The following TMEM192 variants were observed in gnomAD, a reference collection of about 807,000 sequenced individuals.
TMEM192 encodes the protein transmembrane protein 192.
TMEM192 carries 20 observed loss-of-function variants against 26.7 expected under a neutral mutation model. The ratio of observed to expected loss-of-function variants is 0.75; its 90% confidence interval spans 0.53 to 1.09. The LOEUF (loss-of-function observed/expected upper bound fraction) is 1.09, where lower values mean the gene tolerates loss of function less well. Among genes scored for constraint, TMEM192 ranks in the 50% least tolerant of loss-of-function variants. The pLI, the probability that TMEM192 is intolerant of heterozygous loss-of-function variation, is 0.00. For synonymous variants in TMEM192, 124 were observed against 121.0 expected, an observed-to-expected ratio of 1.02 and a Z score of -0.16; for missense variants, 304 against 322.6, an observed-to-expected ratio of 0.94 and a Z score of 0.44.
At chr4:165,081,170 A>C (rs1235150325) in intron 5 of TMEM192, among the ~76,000 whole-genome samples, 1 of 152,134 alleles carries the variant, frequency 6.6e-6, no homozygotes, top group African/African-American at 2.4e-5. Flanking sequence ...TCTGGTCTTC[A>C]GAGGTTAACA....
chr4:165,078,311 CAA>C lies in TMEM192; in HGVS notation c.*1345_*1346del, dbSNP rs1390003258. ...CCTCCCCTCATATTCAGCCTTCAAC[CAA>C]AAGTCTTTCTAAGGCAGCATATAAC... On this transcript the variant is annotated 3_prime_UTR_variant, in exon 6 of 6. Coordinates refer to ENST00000306480, the MANE Select transcript of TMEM192 (RefSeq NM_001100389.2). 1 of 152,016 alleles carries C rather than the reference CAA, an allele frequency of 6.6e-6. No homozygotes were observed. The highest frequency in any genetic ancestry group is 2.4e-5 in the African/African-American group (1 of 41,372). The allele number at this position is 152,016 out of a possible 1,614,324, so 9.4% of individuals were successfully genotyped here. A position where few individuals can be genotyped will look rare whatever the true frequency, so the allele number is the denominator to read the frequency against.
rs372244546 is a variant in TMEM192 at position 165,085,591 on chromosome 4, T to C, written c.672A>G (p.Gly224=). The C allele has an allele frequency of 1.7e-3, 2,752 of 1,605,264 alleles. 4 individuals carry two copies. The highest frequency in any genetic ancestry group is 2.2e-3 in the Non-Finnish European group (2,545 of 1,175,632). The change falls in exon 5 of 6, where the codon GGA becomes GGG. Residue 224 remains glycine (G), a synonymous_variant. Transcript: ENST00000306480. The stretch of plus-strand genomic sequence containing the variant: ...TATTCTCACCTAAATCTTACCTGAA[T>C]CCAGTCTCCGAGGTAATATTGCTGG... ...AYPSNITSET[G]FRTISSLEEI...
At position 165,073,848 on chromosome 4, in the gene TMEM192, A is replaced by G. The variant is rs780472908; in HGVS notation, c.*5810T>C. 21 of 152,270 alleles carry G rather than the reference A, an allele frequency of 1.4e-4. No individual in the cohort carries two copies. Among genetic ancestry groups the G allele is most frequent in the Non-Finnish European group, 2.4e-4 (16 of 68,038 alleles). The allele number at this position is 152,270 out of a possible 1,614,324, so 9.4% of individuals were successfully genotyped here. A position where few individuals can be genotyped will look rare whatever the true frequency, so the allele number is the denominator to read the frequency against. Reference sequence around the variant, plus strand: ...GTACCTTTCCTTGAACTTATTCATGATACAGATTCCTTTGCTCACGTTTCC... The same window carrying G: ...GTACCTTTCCTTGAACTTATTCATGGTACAGATTCCTTTGCTCACGTTTCC... On this transcript the variant is annotated 3_prime_UTR_variant, in exon 6 of 6. Transcript: ENST00000306480.
At chr4:165,112,602 G>A in intron 1 of TMEM192, 145 bp downstream of exon 1, 1 of 1,223,848 alleles carries the variant, frequency 8.2e-7, no homozygotes, top group Non-Finnish European at 1.1e-6. Flanking sequence ...CCGCGCCCAG[G>A]CCTCCCCGGG....
In TMEM192 at chr4:165,100,664, G is replaced by T. The variant is rs748410568; in HGVS notation, c.403C>A (p.His135Asn). The T allele has an allele frequency of 6.2e-7, 1 of 1,614,002 alleles. No homozygotes were observed. Among genetic ancestry groups the T allele is most frequent in the African/African-American group, 1.3e-5 (1 of 74,912 alleles). The change falls in exon 3 of 6, where the codon CAT becomes AAT. Residue 135 changes from histidine (H) to asparagine (N), a missense_variant. Physicochemically the swap from His to Asn is moderately conservative, Grantham distance 68 (BLOSUM62 1). Transcript: ENST00000306480. ...ATCATCAACGCAAGTCTCTTGAGAT[G>T]CCTTGTTGATCGGTAGATCAAGTTA... ...GYNLIYRSTR[H>N]LKRLALMIQS...
At chr4:165,088,335 T>C in intron 4 of TMEM192, 133 bp downstream of exon 4, 1 of 728,598 alleles carries the variant, frequency 1.4e-6, no homozygotes, top group Non-Finnish European at 2.1e-6. Context: ...TGGTTTGAAA[T>C]TAAAGAAGTC....
At chr4:165,080,707 C>A (rs1734500337) in intron 5 of TMEM192, among the ~76,000 whole-genome samples, 1 of 151,896 alleles carries the variant, frequency 6.6e-6, no homozygotes, top group Non-Finnish European at 1.5e-5. Flanking sequence ...GGCTATGTAA[C>A]CACATTACTA....
chr4:165,094,479 G>T (rs1412971025), intron 3 of TMEM192, among the ~76,000 whole-genome samples: 1 of 152,146 alleles, frequency 6.6e-6, no homozygotes, highest in Non-Finnish European at 1.5e-5. Flanking sequence ...CCAACAGGGA[G>T]AAACCCCATC....
chr4:165,098,234 C>T (rs1578909124), intron 3 of TMEM192, among the ~76,000 whole-genome samples: 1 of 151,868 alleles, frequency 6.6e-6, no homozygotes, highest in Admixed American at 6.6e-5. Context: ...AAGCAATTCT[C>T]CTGCCTCAGC....
At chr4:165,085,319 A>G (rs1245064948) in intron 5 of TMEM192, among the ~76,000 whole-genome samples, 2 of 151,592 alleles carry the variant, frequency 1.3e-5, no homozygotes, top group Non-Finnish European at 2.9e-5. Flanking sequence ...AGGTGCTTCA[A>G]GGAGGGAGTA....
At position 165,085,570 on chromosome 4, in the gene TMEM192, C is replaced by T; in HGVS notation, c.677+16G>A. ...GGGGAAAAAACTCAATTATTTTATT[C>T]TCACCTAAATCTTACCTGAATCCAG... On this transcript the variant is annotated intron_variant, in intron 5 of 5. Transcript: ENST00000306480. 6.5e-7 allele frequency: 1 copy of T among 1,549,726 alleles called. No homozygotes were observed. Among genetic ancestry groups the T allele is most frequent in the South Asian group, 1.2e-5 (1 of 84,020 alleles).
At chr4:165,088,390 T>C in intron 4 of TMEM192, 78 bp downstream of exon 4, 1 of 1,439,866 alleles carries the variant, frequency 6.9e-7, no homozygotes, top group Non-Finnish European at 9.4e-7. Flanking sequence ...TCCTTGTCGC[T>C]AATGGGCTAT....
At chr4:165,104,562 G>A (rs551968116) in intron 1 of TMEM192, among the ~76,000 whole-genome samples, 4 of 152,192 alleles carry the variant, frequency 2.6e-5, no homozygotes, top group South Asian at 4.2e-4. Context: ...ATGGAATCTC[G>A]CTCTGTCGCC....
intron 5 of TMEM192, among the ~76,000 whole-genome samples, chr4:165,084,478 C>T (rs897490887): frequency 7.9e-5 from 12 of 151,660 alleles, no homozygotes; most frequent in South Asian, 2.1e-4. Flanking sequence ...GGATTACAGG[C>T]GTGAGCTGCC....
At chr4:165,097,589 G>GA (rs1330463603) in intron 3 of TMEM192, among the ~76,000 whole-genome samples, 22 of 120,036 alleles carry the variant, frequency 1.8e-4, no homozygotes, top group African/African-American at 7.6e-4. Context: ...TTTTTTTGGA[G>GA]AAAAAAATCT....
At chr4:165,086,981 GT>G (rs1734632807) in intron 4 of TMEM192, among the ~76,000 whole-genome samples, 2 of 152,048 alleles carry the variant, frequency 1.3e-5, no homozygotes, top group African/African-American at 4.8e-5. Flanking sequence ...GGGTGTGGTG[GT>G]AGGCGCCTAT....
At chr4:165,096,692 T>A (rs1030189743) in intron 3 of TMEM192, among the ~76,000 whole-genome samples, 1 of 151,756 alleles carries the variant, frequency 6.6e-6, no homozygotes, top group African/African-American at 2.4e-5. Context: ...AAGTACCTGC[T>A]CCATTCCGTT....
intron 3 of TMEM192, among the ~76,000 whole-genome samples, chr4:165,091,534 C>A (rs57475345): frequency 3.3e-5 from 5 of 152,014 alleles, no homozygotes; most frequent in African/African-American, 7.3e-5. Context: ...TATGTAGGAA[C>A]GTAGAAAAGC....
chr4:165,112,692 G>A (rs1383801567), intron 1 of TMEM192, 55 bp downstream of exon 1: 13 of 1,604,064 alleles, frequency 8.1e-6, no homozygotes, highest in Non-Finnish European at 1.1e-5. Context: ...CGTGCGCCCC[G>A]GCACAAGAAA....
Sources: allele counts gnomAD v4.1 joint callset (sites outside exome capture counted in the v4.1 genomes callset), GRCh38; gene constraint gnomAD v4.1.1; transcripts MANE v1.5; gene names NCBI Gene and HGNC (gene_info 2026-07-23, HGNC 2026-07-21).